The following XPR1 variants were observed in gnomAD, a reference collection of about 807,000 sequenced individuals.
The protein encoded by XPR1 is solute carrier family 53 member 1.
Under a neutral mutation model 87.5 loss-of-function variants are expected in XPR1, and 28 were observed. The ratio of observed to expected loss-of-function variants is 0.32; its 90% CI spans 0.24 to 0.44. The LOEUF is 0.44. Among genes scored for constraint, XPR1 ranks in the 20% least tolerant of loss-of-function variants. XPR1 has a pLI of 1.00. For missense variants in XPR1, 559 were observed against 862.3 expected (o/e 0.65, Z 4.41); for synonymous variants, 300 against 306.1 (o/e 0.98, Z 0.21).
chr1:180,648,972 T>A (rs1655207388), intron 1 of XPR1, among the ~76,000 whole-genome samples: 1 of 152,200 alleles, frequency 6.6e-6, no homozygotes, highest in Non-Finnish European at 1.5e-5. Flanking sequence ...GCAGTTAGCA[T>A]CTTTTTGGGG....
chr1:180,728,710 C>T (rs1438306197), intron 2 of XPR1, among the ~76,000 whole-genome samples: 4 of 152,172 alleles, frequency 2.6e-5, no homozygotes, highest in Admixed American at 2.6e-4. Context: ...TTGACTTGCT[C>T]AGTATTCCAA....
chr1:180,772,408 A>C (rs775157323), intron 2 of XPR1, among the ~76,000 whole-genome samples: 6 of 152,164 alleles, frequency 3.9e-5, no homozygotes, highest in Non-Finnish European at 4.4e-5. Context: ...TCTGAGTGCT[A>C]GACTTATTGT....
chr1:180,771,005 C>T (rs1386216870), intron 2 of XPR1, among the ~76,000 whole-genome samples: 2 of 152,166 alleles, frequency 1.3e-5, no homozygotes, highest in Non-Finnish European at 2.9e-5. Context: ...CCCTAGCATT[C>T]TGTGCCTTCC....
At chr1:180,805,338 T>C (rs1649952884) in intron 4 of XPR1, among the ~76,000 whole-genome samples, 1 of 152,080 alleles carries the variant, frequency 6.6e-6, no homozygotes, top group Non-Finnish European at 1.5e-5. Flanking sequence ...GCAAATTGAG[T>C]TTTTAGCTTT....
chr1:180,677,764 G>A (rs1222293091), intron 1 of XPR1, among the ~76,000 whole-genome samples: 1 of 152,142 alleles, frequency 6.6e-6, no homozygotes, highest in African/African-American at 2.4e-5. Context: ...TTTCAAAGTT[G>A]CACTATAAAC....
chr1:180,862,329 A>G (rs1298989332), intron 11 of XPR1, among the ~76,000 whole-genome samples: 1 of 152,022 alleles, frequency 6.6e-6, no homozygotes, highest in Non-Finnish European at 1.5e-5. Flanking sequence ...CATTTCTCTC[A>G]CATCTTCTAT....
chr1:180,742,495 C>T (rs1658954623), intron 2 of XPR1, among the ~76,000 whole-genome samples: 1 of 152,112 alleles, frequency 6.6e-6, no homozygotes. Context: ...ACATACTTTG[C>T]ATAATTTCAA....
chr1:180,728,987 C>T (rs1185787276), intron 2 of XPR1, among the ~76,000 whole-genome samples: 1 of 152,164 alleles, frequency 6.6e-6, no homozygotes, highest in Non-Finnish European at 1.5e-5. Flanking sequence ...GGTCCCCACT[C>T]TCCTGCCACC....
At chr1:180,748,579 C>T (rs540245403) in intron 2 of XPR1, among the ~76,000 whole-genome samples, 41 of 151,488 alleles carry the variant, frequency 2.7e-4, no homozygotes, top group Non-Finnish European at 4.1e-4. Context: ...CCACCACGCC[C>T]GGCTAATTTT....
At chr1:180,818,225 C>G (rs1650484012) in intron 7 of XPR1, among the ~76,000 whole-genome samples, 1 of 151,566 alleles carries the variant, frequency 6.6e-6, no homozygotes, top group Non-Finnish European at 1.5e-5. Context: ...ACATACATTA[C>G]TTGTTAAAAT....
chr1:180,877,530 AG>A (rs1368448919), intron 13 of XPR1, among the ~76,000 whole-genome samples: 2 of 152,242 alleles, frequency 1.3e-5, no homozygotes, highest in Non-Finnish European at 2.9e-5. Flanking sequence ...AATCAATTCC[AG>A]GTGGATTGTA....
intron 1 of XPR1, among the ~76,000 whole-genome samples, chr1:180,641,821 G>A (rs531210193): frequency 6.6e-6 from 1 of 152,174 alleles, no homozygotes; most frequent in South Asian, 2.1e-4. Context: ...TAATAGCAGA[G>A]CCTGATATAA....
chr1:180,821,974 T>C (rs893341707), intron 7 of XPR1, among the ~76,000 whole-genome samples: 17 of 152,244 alleles, frequency 1.1e-4, no homozygotes, highest in Admixed American at 9.8e-4. Context: ...ACTGTTGTAA[T>C]GCATCTGTGG....
In XPR1 at chr1:180,887,490, A is replaced by G. The variant is rs1299121196; in HGVS notation, c.*3424A>G. 6.6e-6 allele frequency: 1 copy of G among 152,242 alleles called. No homozygotes were observed. Among genetic ancestry groups the G allele is most frequent in the Non-Finnish European group, 1.5e-5 (1 of 68,040 alleles). The allele number at this position is 152,242 out of a possible 1,614,324, so 9.4% of individuals were successfully genotyped here. ...GCTGCCTATACCATTACAGTGGCGT[A>G]ATTGGTGATTTCATAGCATACAGAG... On this transcript the variant is annotated 3_prime_UTR_variant, in exon 15 of 15. Transcript: ENST00000367590.
chr1:180,860,491 C>T (rs535351392), intron 11 of XPR1, among the ~76,000 whole-genome samples: 18 of 152,212 alleles, frequency 1.2e-4, no homozygotes, highest in Middle Eastern at 3.4e-3. Context: ...AATTTGTATA[C>T]ATCCTTACAA....
At chr1:180,768,886 A>G in intron 2 of XPR1, among the ~76,000 whole-genome samples, 1 of 152,250 alleles carries the variant, frequency 6.6e-6, no homozygotes, top group East Asian at 1.9e-4. Flanking sequence ...GTTGGATGAC[A>G]AAGTAAAATG....
Position 180,814,938 on chromosome 1 carries a change from A to C in XPR1, c.763+3450A>C, listed in dbSNP as rs144766075. Among the ~76,000 whole-genome samples the C allele has an allele frequency of 3.2e-3, 485 of 152,140 alleles. 3 individuals carry two copies. The highest frequency in any genetic ancestry group is 0.011 in the African/African-American group (461 of 41,496). On this transcript the variant is annotated intron_variant, in intron 7 of 14. Coordinates refer to ENST00000367590, the MANE Select transcript of XPR1 (RefSeq NM_004736.4). ...AAGGAGGGAGTGAGTTATGAAGGAG[A>C]GAAGTGATAAATTGGCCAAAGGTGA...
At chr1:180,840,564 G>A (rs868252582) in intron 11 of XPR1, among the ~76,000 whole-genome samples, 3 of 134,272 alleles carry the variant, frequency 2.2e-5, no homozygotes, top group East Asian at 2.3e-4. Context: ...GTGTGTGTGT[G>A]TGTATATATA....
At chr1:180,692,479 T>C (rs1657025459) in intron 2 of XPR1, among the ~76,000 whole-genome samples, 1 of 152,200 alleles carries the variant, frequency 6.6e-6, no homozygotes, top group Non-Finnish European at 1.5e-5. Context: ...TGATTGATAC[T>C]CAAAGTCATG....
Sources: allele counts gnomAD v4.1 joint callset (sites outside exome capture counted in the v4.1 genomes callset), GRCh38; gene constraint gnomAD v4.1.1; transcripts MANE v1.5; gene names NCBI Gene and HGNC (gene_info 2026-07-23, HGNC 2026-07-21).